GPR180: variants seen among roughly 807,000 people sequenced by gnomAD.
The protein encoded by GPR180 is G protein-coupled receptor 180.
A neutral mutation model predicts 52.6 loss-of-function variants in GPR180; 53 were observed. The ratio of observed to expected loss-of-function variants is 1.01; its 90% confidence interval spans 0.81 to 1.27. The LOEUF (loss-of-function observed/expected upper bound fraction) is 1.27, where lower values mean the gene tolerates loss of function less well. Ranked by LOEUF, GPR180 falls within the 50% of genes most tolerant of loss-of-function variation. The pLI, the probability that GPR180 is intolerant of heterozygous loss-of-function variation, is 0.00. For synonymous variants in GPR180, 200 were observed against 193.1 expected (o/e 1.04, Z -0.30); for missense variants, 533 against 527.0 (o/e 1.01, Z -0.11).
At chr13:94,620,345 C>T (rs750546799) in intron 5 of GPR180, among the ~76,000 whole-genome samples, 4 of 152,178 alleles carry the variant, frequency 2.6e-5, no homozygotes, top group Non-Finnish European at 5.9e-5. Context: ...TTAAATGCTA[C>T]CTCATAAAAT....
intron 3 of GPR180, among the ~76,000 whole-genome samples, chr13:94,617,985 C>CAAA (rs1889798986): frequency 6.6e-6 from 1 of 150,680 alleles, no homozygotes; most frequent in African/African-American, 2.5e-5. Context: ...AATGGAGACT[C>CAAA]AGTCAAAAGA....
rs1438577562 is a variant in GPR180 at position 94,630,205 on chromosome 13, C to G, written c.*3034C>G. 6.6e-6 allele frequency: 1 copy of G among 152,174 alleles called. No individual in the cohort carries two copies. Among genetic ancestry groups the G allele is most frequent in the African/African-American group, 2.4e-5 (1 of 41,442 alleles). The allele number at this position is 152,174 out of a possible 1,614,324, so 9.4% of individuals were successfully genotyped here. ...AGAAGCACCGTAGCTTGATTTCTTG[C>G]AATAGCTCTCTAAGTAATATTACCA... On this transcript the variant is annotated 3_prime_UTR_variant, in exon 9 of 9. Coordinates refer to ENST00000376958, the MANE Select transcript of GPR180 (RefSeq NM_180989.6).
At chr13:94,606,014 A>G (rs1889625449) in intron 2 of GPR180, among the ~76,000 whole-genome samples, 1 of 152,212 alleles carries the variant, frequency 6.6e-6, no homozygotes, top group Non-Finnish European at 1.5e-5. Context: ...TTTGACAGCC[A>G]GGTGCAGTGG....
chr13:94,601,976 C>T lies in GPR180; in HGVS notation c.49C>T (p.Pro17Ser). Residue 17 changes from proline (P) to serine (S), a missense_variant, in exon 1 of 9, where the codon CCG becomes TCG. Coordinates refer to ENST00000376958, the MANE Select transcript of GPR180 (RefSeq NM_180989.6). ...LAVALTCCWW[P>S]QGSQGKTLRG... Reference sequence around the variant, plus strand: ...TGTGGCCCTCACGTGCTGCTGGTGGCCGCAGGGCAGCCAGGGTAAGACCCT... The same window carrying T: ...TGTGGCCCTCACGTGCTGCTGGTGGTCGCAGGGCAGCCAGGGTAAGACCCT... 1 of 1,496,106 alleles carries T rather than the reference C, an allele frequency of 6.7e-7. No individual in the cohort carries two copies. The highest frequency in any genetic ancestry group is 8.9e-7 in the Non-Finnish European group (1 of 1,128,016). 92.7% of individuals were successfully genotyped at this position (1,496,106 alleles called of 1,614,324 possible).
chr13:94,603,343 A>T (rs1050315926), intron 1 of GPR180, among the ~76,000 whole-genome samples: 4 of 152,216 alleles, frequency 2.6e-5, no homozygotes, highest in Non-Finnish European at 5.9e-5. Context: ...GTTATTACTT[A>T]GGACCAGCAG....
At chr13:94,608,096 G>T (rs946748941) in intron 2 of GPR180, among the ~76,000 whole-genome samples, 6 of 152,092 alleles carry the variant, frequency 3.9e-5, no homozygotes, top group Non-Finnish European at 7.4e-5. Context: ...CCTCATTTTC[G>T]TATGAGTCAT....
At chr13:94,616,664 A>G (rs565181236) in intron 3 of GPR180, among the ~76,000 whole-genome samples, 2 of 152,330 alleles carry the variant, frequency 1.3e-5, no homozygotes, top group South Asian at 2.1e-4. Context: ...CATGTGTATT[A>G]TTAAGTCTTA....
Position 94,626,056 on chromosome 13 carries a change from C to T in GPR180, c.1164+13C>T. 6.4e-7 allele frequency: 1 copy of T among 1,560,350 alleles called. No homozygotes were observed. The highest frequency in any genetic ancestry group is 8.8e-7 in the Non-Finnish European group (1 of 1,133,018). ...CCAAAGAGACAAGGTAAGAAATATA[C>T]ATGATCAAAGTAGTTTTCTTAATGA... On this transcript the variant is annotated intron_variant, in intron 8 of 8. Transcript: ENST00000376958.
chr13:94,624,453 A>T (rs1467257133), intron 7 of GPR180, among the ~76,000 whole-genome samples: 1 of 152,232 alleles, frequency 6.6e-6, no homozygotes, highest in East Asian at 1.9e-4. Flanking sequence ...CAAGACAAGA[A>T]GATGTCATCC....
chr13:94,618,419 G>GTTTTTTTTTT (rs1566980109), intron 3 of GPR180, among the ~76,000 whole-genome samples: 2 of 72,974 alleles, frequency 2.7e-5, no homozygotes, highest in African/African-American at 2.4e-4. Flanking sequence ...ATCAGCACAG[G>GTTTTTTTTTT]ATTTTTTTTT....
In GPR180 at chr13:94,633,477, CTT is replaced by C. The variant is rs1255100489; in HGVS notation, c.*6307_*6308del. Reference sequence around the variant, plus strand: ...CATTATAGTTTTAATTTGCATTTCTCTTATTAATTTTTGTTTTAAAACCATTT... The same window carrying C: ...CATTATAGTTTTAATTTGCATTTCTCATTAATTTTTGTTTTAAAACCATTT... On this transcript the variant is annotated 3_prime_UTR_variant, in exon 9 of 9. Coordinates refer to ENST00000376958, the MANE Select transcript of GPR180 (RefSeq NM_180989.6). The C allele has an allele frequency of 6.6e-6, 1 of 152,010 alleles. No homozygotes were observed. Among genetic ancestry groups the C allele is most frequent in the Non-Finnish European group, 1.5e-5 (1 of 67,978 alleles). 9.4% of individuals were successfully genotyped at this position (152,010 alleles called of 1,614,324 possible).
intron 7 of GPR180, 22 bp downstream of exon 7, chr13:94,623,322 C>G (rs4296139): frequency 0.58 from 905,653 of 1,573,288 alleles, 268,126 homozygotes; most frequent in African/African-American, 0.9. Context: ...GAAAGAAAAT[C>G]GTTTATTCTG....
chr13:94,634,567 C>CT lies in GPR180; in HGVS notation c.*7397dup, dbSNP rs1449639291. On this transcript the variant is annotated 3_prime_UTR_variant, in exon 9 of 9. Transcript: ENST00000376958. ...TTTTCTGCATGAAAACTATTGATTT[C>CT]TGCATTCTAATTTTGTTCCCAGTCA... 1 of 151,950 alleles carries CT rather than the reference C, an allele frequency of 6.6e-6. No individual in the cohort carries two copies. Among genetic ancestry groups the CT allele is most frequent in the African/African-American group, 2.4e-5 (1 of 41,384 alleles). 9.4% of individuals were successfully genotyped at this position (151,950 alleles called of 1,614,324 possible). A position where few individuals can be genotyped will look rare whatever the true frequency, so the allele number is the denominator to read the frequency against.
chr13:94,602,783 T>A (rs1889577292), intron 1 of GPR180, among the ~76,000 whole-genome samples: 1 of 152,214 alleles, frequency 6.6e-6, no homozygotes, highest in Non-Finnish European at 1.5e-5. Flanking sequence ...ATTCCTTCAA[T>A]AAATGCATTT....
chr13:94,601,884 C>CGGCG lies in GPR180; in HGVS notation c.-42_-39dup. On this transcript the variant is annotated 5_prime_UTR_variant, in exon 1 of 9. Transcript: ENST00000376958. ...CTGCCGACGTGGGGCGGGCAGCCGC[C>CGGCG]GGCGGCTGGGAGCCGAGGCGTCGGT... 7 of 1,340,688 alleles carry CGGCG rather than the reference C, an allele frequency of 5.2e-6. No individual in the cohort carries two copies. Among genetic ancestry groups the CGGCG allele is most frequent in the Non-Finnish European group, 5.7e-6 (6 of 1,045,242 alleles). 83.0% of individuals were successfully genotyped at this position (1,340,688 alleles called of 1,614,324 possible). A position where few individuals can be genotyped will look rare whatever the true frequency, so the allele number is the denominator to read the frequency against.
intron 2 of GPR180, among the ~76,000 whole-genome samples, chr13:94,609,608 C>T (rs1372154895): frequency 2.0e-5 from 3 of 151,692 alleles, no homozygotes; most frequent in African/African-American, 4.8e-5. Flanking sequence ...TAATGAGGTC[C>T]GGATTATATA....
rs112833297 is a variant in GPR180, at chr13:94,619,753, C to T, written c.736+236C>T. On this transcript the variant is annotated intron_variant, in intron 5 of 8. Coordinates refer to ENST00000376958, the MANE Select transcript of GPR180 (RefSeq NM_180989.6). ...TTTGTTTGAGACAGGGTTCTTACTC[C>T]GTAGCCCAGGCTGGAGTGCAGTGGC... 2.9e-3 allele frequency among the ~76,000 whole-genome samples: 443 copies of T among 152,224 alleles called. 2 individuals carry two copies. The highest frequency in any genetic ancestry group is 9.6e-3 in the African/African-American group (399 of 41,544).
rs1487898872 is a variant in GPR180 at position 94,629,858 on chromosome 13, A to C, written c.*2687A>C. ...CACATCTGATGAACATAGGAGATAC[A>C]CAAATCTGAGATCATCTCTAAAATA... On this transcript the variant is annotated 3_prime_UTR_variant, in exon 9 of 9. Transcript: ENST00000376958. The C allele has an allele frequency of 6.6e-6, 1 of 152,214 alleles. No homozygotes were observed. The highest frequency in any genetic ancestry group is 1.5e-5 in the Non-Finnish European group (1 of 68,026). 9.4% of individuals were successfully genotyped at this position (152,214 alleles called of 1,614,324 possible).
Position 94,621,186 on chromosome 13 carries a change from A to T in GPR180, c.845A>T (p.Asp282Val). 6.2e-7 allele frequency: 1 copy of T among 1,611,154 alleles called. No homozygotes were observed. Among genetic ancestry groups the T allele is most frequent in the Non-Finnish European group, 8.5e-7 (1 of 1,179,346 alleles). Residue 282 changes from aspartate to valine, a missense_variant, in exon 6 of 9, where the codon GAT becomes GTT. Physicochemically the swap from Asp to Val is radical, Grantham distance 152. Transcript: ENST00000376958. ...KKSQSRPLQWDSTPASTGIAV... is the reference protein window; with the variant it reads ...KKSQSRPLQWVSTPASTGIAV... ...TCTCAAAGCAGACCTCTCCAGTGGG[A>T]TTCTACGCCTGCATCCACTGGCATT...
Sources: allele counts gnomAD v4.1 joint callset (sites outside exome capture counted in the v4.1 genomes callset), GRCh38; gene constraint gnomAD v4.1.1; transcripts MANE v1.5; gene names NCBI Gene and HGNC (gene_info 2026-07-23, HGNC 2026-07-21).